DPP10: variants seen among roughly 807,000 people sequenced by gnomAD.
The protein encoded by DPP10 is dipeptidyl peptidase like 10.
In DPP10, 33 loss-of-function variants were observed where a neutral mutation model predicts 120.9. The observed-to-expected ratio is 0.27, with a 90% CI of 0.21 to 0.37. The LOEUF is 0.37. Among genes scored for constraint, DPP10 ranks in the 10% least tolerant of loss-of-function variants. The pLI is 1.00. For synonymous variants in DPP10, 337 were observed against 326.1 expected (o/e 1.03, Z -0.36); for missense variants, 816 against 942.8 (o/e 0.87, Z 1.76).
intron 5 of DPP10, among the ~76,000 whole-genome samples, chr2:115,560,814 ACT>A (rs2080603041): frequency 6.6e-6 from 1 of 151,918 alleles, no homozygotes; most frequent in Admixed American, 6.6e-5. Flanking sequence ...ATGACCATTA[ACT>A]CTTCCGTACG....
intron 1 of DPP10, among the ~76,000 whole-genome samples, chr2:115,227,912 T>G (rs753788718): frequency 3.1e-5 from 4 of 130,744 alleles, no homozygotes; most frequent in Non-Finnish European, 6.3e-5. Context: ...TACATCCGAT[T>G]TCTTTTTTTT....
At chr2:114,557,940 G>A (rs1026811605) in intron 1 of DPP10, among the ~76,000 whole-genome samples, 3 of 152,034 alleles carry the variant, frequency 2.0e-5, no homozygotes, top group Non-Finnish European at 4.4e-5. Flanking sequence ...TTTTCCAAAT[G>A]TTCATTCTTC....
intron 1 of DPP10, among the ~76,000 whole-genome samples, chr2:115,038,688 CTTAA>C (rs1159216506): frequency 6.6e-6 from 1 of 152,122 alleles, no homozygotes; most frequent in Non-Finnish European, 1.5e-5. Context: ...GATGAGTCTC[CTTAA>C]TTGTCACATA....
intron 3 of DPP10, among the ~76,000 whole-genome samples, chr2:115,422,510 G>A (rs994501149): frequency 1.2e-4 from 18 of 152,136 alleles, no homozygotes; most frequent in Non-Finnish European, 2.1e-4. Flanking sequence ...AAGATTATTG[G>A]AAGGCTGAAA....
At chr2:114,750,563 A>C (rs1333731368) in intron 1 of DPP10, among the ~76,000 whole-genome samples, 1 of 151,922 alleles carries the variant, frequency 6.6e-6, no homozygotes, top group Admixed American at 6.6e-5. Context: ...TCGATCTCCT[A>C]ACCTCGTGAT....
chr2:114,673,653 A>G (rs1047266217), intron 1 of DPP10, among the ~76,000 whole-genome samples: 4 of 151,920 alleles, frequency 2.6e-5, no homozygotes, highest in Admixed American at 1.3e-4. Context: ...ATCGGGTTTC[A>G]CCATGTTGGC....
chr2:114,922,616 C>G (rs1027766614), intron 1 of DPP10, among the ~76,000 whole-genome samples: 2 of 152,158 alleles, frequency 1.3e-5, no homozygotes. Flanking sequence ...CCAGCCTAGA[C>G]ATTTTATATA....
intron 1 of DPP10, among the ~76,000 whole-genome samples, chr2:114,968,464 A>T (rs1699184651): frequency 6.6e-6 from 1 of 152,108 alleles, no homozygotes. Flanking sequence ...TTTTTCTTTT[A>T]TCTTTGATGT....
intron 1 of DPP10, among the ~76,000 whole-genome samples, chr2:114,870,574 T>C (rs1690615917): frequency 7.2e-6 from 1 of 138,180 alleles, no homozygotes; most frequent in Admixed American, 7.5e-5. Flanking sequence ...GAAGGACACA[T>C]ATAAAAGGAT....
intron 1 of DPP10, among the ~76,000 whole-genome samples, chr2:115,279,145 A>C (rs2105860538): frequency 6.6e-6 from 1 of 152,324 alleles, no homozygotes; most frequent in South Asian, 2.1e-4. Context: ...TAAACTCAGA[A>C]GCCATTCTTA....
chr2:115,771,825 T>G (rs1255478691), intron 13 of DPP10, among the ~76,000 whole-genome samples: 1 of 152,194 alleles, frequency 6.6e-6, no homozygotes, highest in Non-Finnish European at 1.5e-5. Context: ...ATATATTTAT[T>G]TGCTTGAAGT....
chr2:115,275,651 G>A (rs1391590504), intron 1 of DPP10, among the ~76,000 whole-genome samples: 1 of 151,214 alleles, frequency 6.6e-6, no homozygotes, highest in African/African-American at 2.4e-5. Flanking sequence ...CCTAAGCCAT[G>A]GGAACAATTC....
At chr2:115,298,798 C>T (rs985717954) in intron 1 of DPP10, among the ~76,000 whole-genome samples, 1 of 152,120 alleles carries the variant, frequency 6.6e-6, no homozygotes, top group Admixed American at 6.6e-5. Context: ...TCAGATGATG[C>T]TGATCCTACT....
At chr2:115,340,153 A>G (rs2063373457) in intron 2 of DPP10, among the ~76,000 whole-genome samples, 1 of 152,302 alleles carries the variant, frequency 6.6e-6, no homozygotes, top group East Asian at 1.9e-4. Context: ...TAAAATTTGG[A>G]AAAGAAAGAA....
chr2:115,006,607 AAAAGAGAC>A (rs1196315015), intron 1 of DPP10, among the ~76,000 whole-genome samples: 3 of 147,534 alleles, frequency 2.0e-5, no homozygotes, highest in Non-Finnish European at 4.5e-5. Flanking sequence ...AACAAAGATC[AAAAGAGAC>A]AAAGAAGGCC....
At chr2:114,933,298 AC>A (rs1465871197) in intron 1 of DPP10, among the ~76,000 whole-genome samples, 1 of 152,124 alleles carries the variant, frequency 6.6e-6, no homozygotes, top group Non-Finnish European at 1.5e-5. Context: ...CTGCCTGGGT[AC>A]CTCTTTTGCA....
At chr2:115,182,058 T>C (rs903285242) in intron 1 of DPP10, among the ~76,000 whole-genome samples, 7 of 152,262 alleles carry the variant, frequency 4.6e-5, no homozygotes, top group African/African-American at 1.7e-4. Context: ...CACTGTAAAA[T>C]AGAAATAAAT....
intron 12 of DPP10, among the ~76,000 whole-genome samples, chr2:115,763,968 A>C (rs1038792935): frequency 4.6e-5 from 7 of 152,088 alleles, no homozygotes; most frequent in Non-Finnish European, 1.5e-5. Flanking sequence ...AATTCCCTCA[A>C]ACTTTCTTAT....
intron 5 of DPP10, among the ~76,000 whole-genome samples, chr2:115,676,352 AC>A (rs1263853605): frequency 2.0e-5 from 3 of 152,172 alleles, no homozygotes; most frequent in African/African-American, 7.2e-5. Flanking sequence ...TCCAAGTAAA[AC>A]TGTAGGACAC....
Sources: allele counts gnomAD v4.1 joint callset (sites outside exome capture counted in the v4.1 genomes callset), GRCh38; gene constraint gnomAD v4.1.1; transcripts MANE v1.5; gene names NCBI Gene and HGNC (gene_info 2026-07-23, HGNC 2026-07-21).